Variants in ZNF398 observed in about 807,000 individuals in gnomAD.
ZNF398 encodes zinc finger protein 398.
ZNF398 carries 18 observed loss-of-function variants against 41.9 expected under a neutral mutation model. That is an observed-to-expected ratio of 0.43 (90% CI 0.30 to 0.64). The LOEUF (loss-of-function observed/expected upper bound fraction) is 0.64, where lower values mean the gene tolerates loss of function less well. Among genes scored for constraint, ZNF398 ranks in the 30% least tolerant of loss-of-function variants. The pLI, the probability that ZNF398 is intolerant of heterozygous loss-of-function variation, is 0.14. For synonymous variants in ZNF398, 260 were observed against 308.8 expected (o/e 0.84, Z 1.66); for missense variants, 669 against 822.8 (o/e 0.81, Z 2.29).
chr7:149,159,232 G>A (rs925923163), intron 2 of ZNF398, among the ~76,000 whole-genome samples: 6 of 151,928 alleles, frequency 3.9e-5, no homozygotes, highest in East Asian at 1.9e-4. Context: ...GTGAGCCACC[G>A]CGCCTGGCCA....
chr7:149,141,463 T>G (rs1826825061), intron 2 of ZNF398, among the ~76,000 whole-genome samples: 1 of 140,814 alleles, frequency 7.1e-6, no homozygotes, highest in Admixed American at 7.3e-5. Context: ...TTTCTTTTTT[T>G]TTTTTTTTTG....
intron 1 of ZNF398, among the ~76,000 whole-genome samples, chr7:149,149,564 T>C (rs567242361): frequency 7.0e-4 from 106 of 152,138 alleles, no homozygotes; most frequent in Non-Finnish European, 1.4e-3. Flanking sequence ...TGGCCGGGTG[T>C]GGTGGCTCAA....
At chr7:149,160,257 G>A (rs1171547974) in intron 2 of ZNF398, among the ~76,000 whole-genome samples, 1 of 152,032 alleles carries the variant, frequency 6.6e-6, no homozygotes, top group Non-Finnish European at 1.5e-5. Flanking sequence ...GCTGACACGG[G>A]GGTCTCAACT....
intron 2 of ZNF398, among the ~76,000 whole-genome samples, chr7:149,139,946 C>T (rs1271255560): frequency 6.8e-6 from 1 of 146,892 alleles, no homozygotes; most frequent in Non-Finnish European, 1.5e-5. Flanking sequence ...GGCAGTGAGC[C>T]GAGATTGCGC....
At chr7:149,146,513 G>A (rs1425266061), upstream of ZNF398, among the ~76,000 whole-genome samples, 1 of 152,098 alleles carries the variant, frequency 6.6e-6, no homozygotes, top group Admixed American at 6.6e-5. Flanking sequence ...TGTGCCACTT[G>A]CACTCCAGCC....
chr7:149,139,445 G>C (rs1310899859), intron 2 of ZNF398, among the ~76,000 whole-genome samples: 1 of 152,074 alleles, frequency 6.6e-6, no homozygotes, highest in Non-Finnish European at 1.5e-5. Context: ...ATGATGTGCC[G>C]GGCGCGGTGG....
chr7:149,181,445 A>C lies in ZNF398; in HGVS notation c.*1644A>C, dbSNP rs1795587933. 6.6e-6 allele frequency: 1 copy of C among 152,230 alleles called. No homozygotes were observed. Among genetic ancestry groups the C allele is most frequent in the African/African-American group, 2.4e-5 (1 of 41,448 alleles). 9.4% of individuals were successfully genotyped at this position (152,230 alleles called of 1,614,324 possible). A position where few individuals can be genotyped will look rare whatever the true frequency, so the allele number is the denominator to read the frequency against. On this transcript the variant is annotated 3_prime_UTR_variant, in exon 6 of 6. Transcript: ENST00000475153. The stretch of plus-strand genomic sequence containing the variant: ...TCTGCTTCTTCCTGAGGTCTAGAAC[A>C]AGGTCTGGAAATGTTTAGACAGGAT...
chr7:149,134,977 C>T (rs1464615926), intron 2 of ZNF398, among the ~76,000 whole-genome samples: 2 of 152,158 alleles, frequency 1.3e-5, no homozygotes, highest in Admixed American at 1.3e-4. Context: ...GTGACCTGCC[C>T]AGCTCGGCCT....
At chr7:149,155,758 A>T (rs1257865828) in intron 2 of ZNF398, among the ~76,000 whole-genome samples, 1 of 119,592 alleles carries the variant, frequency 8.4e-6, no homozygotes, top group Non-Finnish European at 1.6e-5. Context: ...ATGGAGTCTC[A>T]CTCTGTTGCC....
At chr7:149,159,479 T>C (rs1296488936) in intron 2 of ZNF398, among the ~76,000 whole-genome samples, 6 of 151,430 alleles carry the variant, frequency 4.0e-5, no homozygotes, top group African/African-American at 1.5e-4. Flanking sequence ...ACCCCGTCTC[T>C]ACTAAAAATA....
At chr7:149,161,129 C>T (rs1444794618) in intron 2 of ZNF398, among the ~76,000 whole-genome samples, 1 of 152,116 alleles carries the variant, frequency 6.6e-6, no homozygotes, top group Non-Finnish European at 1.5e-5. Flanking sequence ...CCACCACCTC[C>T]TCACCCTGTC....
At position 149,164,361 on chromosome 7, in the gene ZNF398, C is replaced by T. The variant is rs541803568; in HGVS notation, c.421-1797C>T. 3.3e-3 allele frequency among the ~76,000 whole-genome samples: 461 copies of T among 140,470 alleles called. 2 individuals are homozygous for T. Among genetic ancestry groups the T allele is most frequent in the African/African-American group, 0.012 (436 of 37,586 alleles). The allele number at this position is 140,470 out of a possible 152,430, so 92.2% of individuals were successfully genotyped here. On this transcript the variant is annotated intron_variant, in intron 2 of 5. Transcript: ENST00000475153. ...GGCAGAGCTTTCAGTGAGCCAAGAT[C>T]GCACCACTGCACTCCAGCCTGGGTG...
At chr7:149,126,571 T>G in exon 1 of ZNF398, 1 of 405,436 alleles carries the variant, frequency 2.5e-6, no homozygotes. Context: ...CAGGTGAACA[T>G]GGAGAGAGCA....
At chr7:149,171,023 T>TTA (rs1363432503) in intron 4 of ZNF398, among the ~76,000 whole-genome samples, 1 of 150,890 alleles carries the variant, frequency 6.6e-6, no homozygotes, top group Non-Finnish European at 1.5e-5. Context: ...TTTTTTTTTT[T>TTA]TTTTTTAGAA....
At chr7:149,135,509 A>G (rs1585502855) in intron 2 of ZNF398, among the ~76,000 whole-genome samples, 1 of 151,890 alleles carries the variant, frequency 6.6e-6, no homozygotes, top group East Asian at 1.9e-4. Flanking sequence ...GGGACTTGGG[A>G]AGACTGGGAG....
At chr7:149,149,327 C>G (rs572561266) in intron 1 of ZNF398, among the ~76,000 whole-genome samples, 6 of 151,940 alleles carry the variant, frequency 3.9e-5, no homozygotes, top group East Asian at 1.9e-4. Flanking sequence ...TCTGCCTTGC[C>G]GGTTCAAGCG....
chr7:149,130,688 T>C (rs1826578045), intron 2 of ZNF398, among the ~76,000 whole-genome samples: 1 of 152,172 alleles, frequency 6.6e-6, no homozygotes, highest in Admixed American at 6.6e-5. Flanking sequence ...GTGGTGTTGC[T>C]GAAACACCAG....
intron 2 of ZNF398, among the ~76,000 whole-genome samples, chr7:149,165,601 T>C (rs566863017): frequency 1.3e-5 from 2 of 152,278 alleles, no homozygotes; most frequent in South Asian, 2.1e-4. Context: ...ACATAATGAA[T>C]TTTGAAGTTT....
chr7:149,142,628 C>T (rs1453254984), upstream of ZNF398, among the ~76,000 whole-genome samples: 3 of 152,226 alleles, frequency 2.0e-5, no homozygotes, highest in African/African-American at 7.2e-5. Flanking sequence ...GATCGCGCCA[C>T]TGCACTCCAG....
Sources: allele counts gnomAD v4.1 joint callset (sites outside exome capture counted in the v4.1 genomes callset), GRCh38; gene constraint gnomAD v4.1.1; transcripts MANE v1.5; gene names NCBI Gene and HGNC (gene_info 2026-07-23, HGNC 2026-07-21).